Variants in RUNDC3B observed in about 807,000 individuals in gnomAD.
RUNDC3B encodes RUN domain-containing protein 3B.
A neutral mutation model predicts 58.4 loss-of-function variants in RUNDC3B; 33 were observed. The ratio of observed to expected loss-of-function variants is 0.56; its 90% CI spans 0.43 to 0.75. RUNDC3B has a LOEUF of 0.75. RUNDC3B is among the 30% of genes least tolerant of loss of function. The pLI, the probability that RUNDC3B is intolerant of heterozygous loss-of-function variation, is 0.00. For synonymous variants in RUNDC3B, 193 were observed against 195.2 expected (o/e 0.99, Z 0.10); for missense variants, 501 against 535.7 (o/e 0.94, Z 0.64).
At chr7:87,820,546 G>C (rs1209793196) in intron 10 of RUNDC3B, among the ~76,000 whole-genome samples, 1 of 152,144 alleles carries the variant, frequency 6.6e-6, no homozygotes, top group Non-Finnish European at 1.5e-5. Flanking sequence ...TATGAGGCCA[G>C]CATCATCCTG....
intron 8 of RUNDC3B, 25 bp from the exon 9 acceptor site, chr7:87,807,348 G>C (rs747381299): frequency 6.2e-7 from 1 of 1,611,754 alleles, no homozygotes; most frequent in South Asian, 1.1e-5. Flanking sequence ...GAAGACAAAA[G>C]CACTCACCAT....
chr7:87,643,247 G>T (rs566013148), intron 1 of RUNDC3B, among the ~76,000 whole-genome samples: 1 of 151,914 alleles, frequency 6.6e-6, no homozygotes, highest in East Asian at 1.9e-4. Flanking sequence ...TTTACATTGC[G>T]TAAAATTTTT....
chr7:87,650,027 T>C (rs1181418028), intron 1 of RUNDC3B, among the ~76,000 whole-genome samples: 1 of 152,192 alleles, frequency 6.6e-6, no homozygotes. Context: ...GGTAAGTCTT[T>C]ATTAGCAGTG....
chr7:87,642,680 C>T (rs944855756), intron 1 of RUNDC3B, among the ~76,000 whole-genome samples: 2 of 151,946 alleles, frequency 1.3e-5, no homozygotes, highest in Non-Finnish European at 2.9e-5. Flanking sequence ...GTGCATGAAG[C>T]TGGAAACCAT....
chr7:87,633,733 C>A (rs1371125272), intron 1 of RUNDC3B, among the ~76,000 whole-genome samples: 1 of 151,926 alleles, frequency 6.6e-6, no homozygotes, highest in Non-Finnish European at 1.5e-5. Flanking sequence ...GAACTCTGAA[C>A]TTCTTAACAT....
At chr7:87,692,830 A>G (rs1328083751) in intron 2 of RUNDC3B, among the ~76,000 whole-genome samples, 1 of 152,234 alleles carries the variant, frequency 6.6e-6, no homozygotes, top group Non-Finnish European at 1.5e-5. Flanking sequence ...ATGTTCTAAT[A>G]TGAGCTTTAA....
chr7:87,780,963 A>G (rs1054853681), intron 8 of RUNDC3B, among the ~76,000 whole-genome samples: 4 of 151,954 alleles, frequency 2.6e-5, no homozygotes, highest in African/African-American at 9.7e-5. Context: ...TGATTTGGCT[A>G]TTTTGGTTCC....
At chr7:87,810,029 C>T (rs959754921) in intron 9 of RUNDC3B, among the ~76,000 whole-genome samples, 1 of 152,074 alleles carries the variant, frequency 6.6e-6, no homozygotes, top group Non-Finnish European at 1.5e-5. Context: ...AAGAAACTGA[C>T]CCTATAATTC....
intron 4 of RUNDC3B, among the ~76,000 whole-genome samples, chr7:87,713,546 C>G (rs188160799): frequency 2.0e-5 from 3 of 151,212 alleles, no homozygotes; most frequent in Non-Finnish European, 1.5e-5. Flanking sequence ...AAACAAAAAC[C>G]TCGAAGAGTT....
intron 8 of RUNDC3B, among the ~76,000 whole-genome samples, chr7:87,791,866 T>TA (rs1563212540): frequency 6.6e-6 from 1 of 152,206 alleles, no homozygotes; most frequent in Non-Finnish European, 1.5e-5. Context: ...CCCCTTCTTA[T>TA]AGATAACAAC....
chr7:87,650,904 A>G lies in RUNDC3B; in HGVS notation c.205A>G (p.Ile69Val), dbSNP rs777538773. ...SSPEFNNFAA[I>V]LEQILSHRLK... ...TCCTGAATTTAACAATTTTGCAGCT[A>G]TTTTGGAACAGATTTTAAGCCACCG... The change falls in exon 2 of 11, where the codon ATT (isoleucine) becomes GTT (valine). Residue 69 changes from isoleucine to valine, a missense_variant. Coordinates refer to ENST00000394654, the MANE Select transcript of RUNDC3B (RefSeq NM_001134405.2). The G allele has an allele frequency of 1.3e-5, 21 of 1,611,900 alleles. No homozygotes were observed. The highest frequency in any genetic ancestry group is 5.0e-5 in the Admixed American group (3 of 59,950).
chr7:87,759,515 G>A (rs1563190648), intron 6 of RUNDC3B, among the ~76,000 whole-genome samples: 1 of 152,116 alleles, frequency 6.6e-6, no homozygotes, highest in Admixed American at 6.6e-5. Context: ...TGACACATGT[G>A]GTTGGGCATG....
At chr7:87,765,454 A>G (rs1325062854) in intron 6 of RUNDC3B, among the ~76,000 whole-genome samples, 1 of 151,902 alleles carries the variant, frequency 6.6e-6, no homozygotes, top group South Asian at 2.1e-4. Context: ...CTTTCCTCTT[A>G]GCCCTGTTTT....
At chr7:87,701,345 T>G (rs1324875934) in intron 3 of RUNDC3B, among the ~76,000 whole-genome samples, 2 of 152,248 alleles carry the variant, frequency 1.3e-5, no homozygotes, top group Non-Finnish European at 2.9e-5. Flanking sequence ...TTAAAGCTTT[T>G]AAGTAAAAAC....
chr7:87,677,139 A>G (rs182815156), intron 2 of RUNDC3B, among the ~76,000 whole-genome samples: 10 of 152,302 alleles, frequency 6.6e-5, no homozygotes, highest in African/African-American at 2.4e-4. Context: ...ATTTATTGAA[A>G]GAAGATAAAA....
intron 4 of RUNDC3B, among the ~76,000 whole-genome samples, chr7:87,721,963 A>G (rs905188322): frequency 4.6e-5 from 7 of 151,944 alleles, no homozygotes; most frequent in Admixed American, 1.3e-4. Context: ...CTTGTCTTAC[A>G]TTATCACATT....
intron 4 of RUNDC3B, among the ~76,000 whole-genome samples, chr7:87,733,350 T>A (rs1831713400): frequency 6.6e-6 from 1 of 152,210 alleles, no homozygotes; most frequent in African/African-American, 2.4e-5. Flanking sequence ...TGCATGGAAT[T>A]TTGTATTTAC....
At chr7:87,694,091 T>G in intron 2 of RUNDC3B, 1 of 1,497,468 alleles carries the variant, frequency 6.7e-7, no homozygotes, top group Non-Finnish European at 8.8e-7. Flanking sequence ...TTCTTTTTTG[T>G]GTGTTTTTGT....
intron 4 of RUNDC3B, among the ~76,000 whole-genome samples, chr7:87,718,695 A>C (rs13307896): frequency 3.7e-4 from 56 of 152,294 alleles, no homozygotes; most frequent in African/African-American, 1.2e-3. Context: ...CAAAATTGTT[A>C]ATTGATGTTT....
Sources: gnomAD v4.1 joint callset for allele counts (sites outside exome capture counted in the v4.1 genomes callset) on GRCh38, gnomAD v4.1.1 for gene constraint, MANE v1.5 for transcripts, NCBI Gene and HGNC (gene_info 2026-07-23, HGNC 2026-07-21) for gene names.